Variants in ST8SIA6 observed in about 807,000 individuals in gnomAD.
ST8SIA6 encodes the protein alpha-2,8-sialyltransferase 8F.
In ST8SIA6, 39 loss-of-function variants were observed where a neutral mutation model predicts 33.6. That is an observed-to-expected ratio of 1.16 (90% CI 0.90 to 1.52). The LOEUF (loss-of-function observed/expected upper bound fraction) is 1.52, where lower values mean the gene tolerates loss of function less well. Ranked by LOEUF, ST8SIA6 falls within the 40% of genes most tolerant of loss-of-function variation. The probability of loss-of-function intolerance (pLI) is 0.00; values close to 1 mark genes in which losing one functional copy is unlikely to be tolerated. For missense variants in ST8SIA6, 441 were observed against 443.8 expected, an observed-to-expected ratio of 0.99 and a Z score of 0.06; for synonymous variants, 172 against 167.2, an observed-to-expected ratio of 1.03 and a Z score of -0.22.
Position 17,390,563 on chromosome 10 carries a change from A to AT in ST8SIA6, c.257dup (p.Tyr86Ter), listed in dbSNP as rs1564439694. 3 of 1,614,124 alleles carry AT rather than the reference A, an allele frequency of 1.9e-6. No homozygotes were observed. The highest frequency in any genetic ancestry group is 2.2e-5 in the South Asian group (2 of 91,070). The change falls in exon 3 of 8, where the codon TAT becomes TAAT. Residue 86 changes from tyrosine to a stop codon, truncating the protein, a stop_gained and frameshift_variant. Transcript: ENST00000377602. ...QLTEKCKNLQ[Y>*]GIESFSNKTK... Reference sequence around the variant, plus strand: ...TTTTGTTAGAGAAAGACTCAATGCCATATTGCAGATTTTTGCATTTCTCCG... The same window carrying AT: ...TTTTGTTAGAGAAAGACTCAATGCCATTATTGCAGATTTTTGCATTTCTCCG...
chr10:17,356,105 G>A (rs570531477), intron 4 of ST8SIA6, among the ~76,000 whole-genome samples: 1 of 152,110 alleles, frequency 6.6e-6, no homozygotes, highest in East Asian at 1.9e-4. Context: ...TCTTTCTAAA[G>A]TGACTATAAA....
chr10:17,420,446 A>G (rs1212344530), intron 2 of ST8SIA6, among the ~76,000 whole-genome samples: 2 of 152,190 alleles, frequency 1.3e-5, no homozygotes, highest in African/African-American at 2.4e-5. Flanking sequence ...AAAATAAAAT[A>G]AAAGCTAGTG....
chr10:17,451,658 C>T (rs2131752002), intron 2 of ST8SIA6, among the ~76,000 whole-genome samples: 1 of 152,290 alleles, frequency 6.6e-6, no homozygotes, highest in South Asian at 2.1e-4. Context: ...CTCCTTATTC[C>T]TACCAGCATT....
Position 17,315,486 on chromosome 10 carries a change from A to G in ST8SIA6, c.*5392T>C, listed in dbSNP as rs151169196. Among the ~76,000 whole-genome samples, 1 of 152,154 alleles carries G rather than the reference A, an allele frequency of 6.6e-6. No homozygotes were observed. Among genetic ancestry groups the G allele is most frequent in the African/African-American group, 2.4e-5 (1 of 41,578 alleles). ...GGAGATAGTAAAATGTTCATCAACAAATGAGCAGATAAGCCAACTGTGGTC... is the reference window on the plus strand; with the variant it reads ...GGAGATAGTAAAATGTTCATCAACAGATGAGCAGATAAGCCAACTGTGGTC... On this transcript the variant is annotated 3_prime_UTR_variant, in exon 8 of 8. Coordinates refer to ENST00000377602, the MANE Select transcript of ST8SIA6 (RefSeq NM_001004470.3).
At position 17,318,420 on chromosome 10, in the gene ST8SIA6, T is replaced by C. The variant is rs1847841866; in HGVS notation, c.*2458A>G. The C allele has an allele frequency of 1.3e-5, 4 of 316,180 alleles. No homozygotes were observed. The highest frequency in any genetic ancestry group is 1.1e-4 in the South Asian group (4 of 35,396). 19.6% of individuals were successfully genotyped at this position (316,180 alleles called of 1,614,324 possible). On this transcript the variant is annotated 3_prime_UTR_variant, in exon 8 of 8. Coordinates refer to ENST00000377602, the MANE Select transcript of ST8SIA6 (RefSeq NM_001004470.3). The stretch of plus-strand genomic sequence containing the variant: ...TTGTAGAGAAGGGTACTCACTATGT[T>C]GCCCAGGCTAGTCTCAAACTCCTGG...
chr10:17,351,075 CCTGAAACTGCT>C, intron 4 of ST8SIA6, among the ~76,000 whole-genome samples: 1 of 152,138 alleles, frequency 6.6e-6, no homozygotes, highest in South Asian at 2.1e-4. Flanking sequence ...TTTCCCTTTC[CCTGAAACTGCT>C]GAGTGTTCCC....
In ST8SIA6 at chr10:17,319,460, G is replaced by C. The variant is rs1362379204; in HGVS notation, c.*1418C>G. 6.6e-6 allele frequency among the ~76,000 whole-genome samples: 1 copy of C among 152,060 alleles called. No individual in the cohort carries two copies. Among genetic ancestry groups the C allele is most frequent in the African/African-American group, 2.4e-5 (1 of 41,422 alleles). On this transcript the variant is annotated 3_prime_UTR_variant, in exon 8 of 8. Transcript: ENST00000377602. Reference sequence around the variant, plus strand: ...GGATGGCAACACAGATGTCGAACCAGAAACTTCAGATGTGTTAACTTGGAA... The same window carrying C: ...GGATGGCAACACAGATGTCGAACCACAAACTTCAGATGTGTTAACTTGGAA...
Position 17,321,297 on chromosome 10 carries a change from T to C in ST8SIA6, c.778A>G (p.Thr260Ala), listed in dbSNP as rs776144343. The C allele has an allele frequency of 1.7e-5, 27 of 1,613,284 alleles. No homozygotes were observed. The highest frequency in any genetic ancestry group is 2.1e-5 in the Non-Finnish European group (25 of 1,179,824). The change falls in exon 8 of 8, where the codon ACC becomes GCC. Residue 260 changes from threonine to alanine, a missense_variant. Physicochemically the swap from Thr to Ala is moderately conservative, Grantham distance 58. Transcript: ENST00000377602. ...AGAAGAAAAAATGCATCTCCATAGG[T>C]TGCAATGTCCTCCAGAAATAGGGCT... ...KKALFLEDIA[T>A]YGDAFFLLPA... is the part of the protein sequence containing the mutation.
chr10:17,343,915 T>C (rs1363024986), intron 4 of ST8SIA6, among the ~76,000 whole-genome samples: 1 of 152,230 alleles, frequency 6.6e-6, no homozygotes, highest in Non-Finnish European at 1.5e-5. Flanking sequence ...TCTCAAGCAC[T>C]CTTCCAAGCA....
intron 3 of ST8SIA6, among the ~76,000 whole-genome samples, chr10:17,364,600 T>C (rs1304078540): frequency 1.3e-5 from 2 of 152,226 alleles, no homozygotes; most frequent in Non-Finnish European, 2.9e-5. Flanking sequence ...TTGCCCTTTT[T>C]AGTGAAAGTT....
chr10:17,425,020 C>T (rs974497748), intron 2 of ST8SIA6, among the ~76,000 whole-genome samples: 2 of 152,104 alleles, frequency 1.3e-5, no homozygotes, highest in African/African-American at 2.4e-5. Flanking sequence ...AGGCATGAGC[C>T]ACCACGCCCA....
chr10:17,348,221 C>CTTT (rs202024746), intron 4 of ST8SIA6, among the ~76,000 whole-genome samples: 7 of 131,836 alleles, frequency 5.3e-5, no homozygotes, highest in African/African-American at 8.3e-5. Flanking sequence ...GAGTAGGAAC[C>CTTT]TTTTTTTTTT....
chr10:17,330,998 A>G (rs1848282287), intron 5 of ST8SIA6, among the ~76,000 whole-genome samples: 1 of 152,178 alleles, frequency 6.6e-6, no homozygotes, highest in Admixed American at 6.5e-5. Context: ...AAATTCTTAC[A>G]TATTTACTTC....
At chr10:17,351,299 C>T (rs1455470485) in intron 4 of ST8SIA6, among the ~76,000 whole-genome samples, 1 of 151,688 alleles carries the variant, frequency 6.6e-6, no homozygotes, top group Non-Finnish European at 1.5e-5. Flanking sequence ...CCAGTTCCTT[C>T]ATTTACTAGT....
intron 2 of ST8SIA6, among the ~76,000 whole-genome samples, chr10:17,392,693 C>T (rs1447160667): frequency 2.0e-5 from 3 of 152,124 alleles, no homozygotes; most frequent in African/African-American, 7.2e-5. Context: ...CTGCAGGACT[C>T]TAGGAGAGAG....
chr10:17,381,479 A>G (rs74940251), intron 3 of ST8SIA6, among the ~76,000 whole-genome samples: 1 of 71,818 alleles, frequency 1.4e-5, no homozygotes, highest in Non-Finnish European at 2.7e-5. Context: ...AATTGGCTTT[A>G]AAAAAAAGTG....
At chr10:17,407,771 A>G (rs1328800296) in intron 2 of ST8SIA6, among the ~76,000 whole-genome samples, 2 of 152,130 alleles carry the variant, frequency 1.3e-5, no homozygotes, top group African/African-American at 4.8e-5. Context: ...AAGTTCTTAA[A>G]AGTCTCCTGG....
At position 17,387,314 on chromosome 10, in the gene ST8SIA6, T is replaced by C. The variant is rs1040644820; in HGVS notation, c.290+3217A>G. ...TCACCCGGGCTGGAGTGCAGTGGCGTGATCTTGGCTCACCACAACCTCTGC... is the reference window on the plus strand; with the variant it reads ...TCACCCGGGCTGGAGTGCAGTGGCGCGATCTTGGCTCACCACAACCTCTGC... On this transcript the variant is annotated intron_variant, in intron 3 of 7. Coordinates refer to ENST00000377602, the MANE Select transcript of ST8SIA6 (RefSeq NM_001004470.3). Among the ~76,000 whole-genome samples, 11 of 151,774 alleles carry C rather than the reference T, an allele frequency of 7.2e-5. No individual in the cohort carries two copies. In the East Asian group the frequency reaches 1.4e-3, roughly 19 times the overall value.
In ST8SIA6 at chr10:17,320,831, C is replaced by T; in HGVS notation, c.*47G>A. The stretch of plus-strand genomic sequence containing the variant: ...TTTGGTGTTTGGAGACATTGTTAAT[C>T]ACCTACTGCATTATATTAAAATTAT... On this transcript the variant is annotated 3_prime_UTR_variant, in exon 8 of 8. Transcript: ENST00000377602. The T allele has an allele frequency of 6.4e-7, 1 of 1,573,510 alleles. No homozygotes were observed. Among genetic ancestry groups the T allele is most frequent in the Non-Finnish European group, 8.7e-7 (1 of 1,149,370 alleles).
Sources: allele counts gnomAD v4.1 joint callset (sites outside exome capture counted in the v4.1 genomes callset), GRCh38; gene constraint gnomAD v4.1.1; transcripts MANE v1.5; gene names NCBI Gene and HGNC (gene_info 2026-07-23, HGNC 2026-07-21).